TRIO: variants seen among roughly 807,000 people sequenced by gnomAD.
The protein encoded by TRIO is trio Rho guanine nucleotide exchange factor.
A neutral mutation model predicts 351.9 loss-of-function variants in TRIO; 58 were observed. That is an observed-to-expected ratio of 0.16 (90% CI 0.13 to 0.21). The LOEUF (loss-of-function observed/expected upper bound fraction) is 0.21. TRIO is among the 10% of genes least tolerant of loss of function. TRIO has a pLI of 1.00. For synonymous variants in TRIO, 1,758 were observed against 1,595.7 expected (o/e 1.10, Z -2.42); for missense variants, 3,201 against 4,027.8 (o/e 0.79, Z 5.56).
Position 14,245,940 on chromosome 5 carries a change from A to T in TRIO, c.158-24885A>T, listed in dbSNP as rs192155904. Reference sequence around the variant, plus strand: ...GTTGAATATTTTTGATGTCTATTCCATTTAGGACAAGATTGAAGCCTCCTA... The same window carrying T: ...GTTGAATATTTTTGATGTCTATTCCTTTTAGGACAAGATTGAAGCCTCCTA... On this transcript the variant is annotated intron_variant, in intron 1 of 56. Transcript: ENST00000344204. Among the ~76,000 whole-genome samples the T allele has an allele frequency of 5.3e-3, 802 of 152,328 alleles. 10 individuals carry two copies. The highest frequency in any genetic ancestry group is 4.6e-3 in the Non-Finnish European group (310 of 68,018).
At chr5:14,295,752 T>C (rs893586531) in intron 6 of TRIO, among the ~76,000 whole-genome samples, 6 of 152,216 alleles carry the variant, frequency 3.9e-5, no homozygotes, top group African/African-American at 1.4e-4. Context: ...AGATGCCAGT[T>C]AGAGCGTTAA....
Position 14,508,484 on chromosome 5 carries a change from C to T in TRIO, c.*62C>T. On this transcript the variant is annotated 3_prime_UTR_variant, in exon 57 of 57. Transcript: ENST00000344204. ...CCAATCAGCTGTTAATCTGAATTTT[C>T]AAGAGAAAACAAGCAAACATAACTG... 1.3e-6 allele frequency: 2 copies of T among 1,518,074 alleles called. No individual in the cohort carries two copies. Among genetic ancestry groups the T allele is most frequent in the Admixed American group, 4.3e-5 (2 of 46,364 alleles). The allele number at this position is 1,518,074 out of a possible 1,614,324, so 94.0% of individuals were successfully genotyped here.
At chr5:14,505,907 G>A (rs1303857205) in intron 55 of TRIO, among the ~76,000 whole-genome samples, 1 of 152,248 alleles carries the variant, frequency 6.6e-6, no homozygotes, top group Non-Finnish European at 1.5e-5. Context: ...GTATGGAGAG[G>A]AGGTCCACTG....
chr5:14,338,704 C>CG (rs1443986685), intron 11 of TRIO, among the ~76,000 whole-genome samples: 5 of 152,276 alleles, frequency 3.3e-5, no homozygotes, highest in East Asian at 3.9e-4. Flanking sequence ...GTTCCTCATT[C>CG]GGGGCCCAGT....
chr5:14,486,025 T>C (rs1327666284), intron 47 of TRIO, among the ~76,000 whole-genome samples: 1 of 151,834 alleles, frequency 6.6e-6, no homozygotes, highest in Non-Finnish European at 1.5e-5. Context: ...ACTTCCCTGC[T>C]TCCGTGACTT....
intron 34 of TRIO, among the ~76,000 whole-genome samples, chr5:14,460,196 G>A (rs563007271): frequency 2.0e-5 from 3 of 152,314 alleles, no homozygotes; most frequent in East Asian, 1.9e-4. Context: ...GATTACAGGC[G>A]TGAGCCACCG....
chr5:14,161,411 TC>T (rs1386086565), intron 1 of TRIO, among the ~76,000 whole-genome samples: 2 of 152,140 alleles, frequency 1.3e-5, no homozygotes, highest in Non-Finnish European at 2.9e-5. Context: ...CACTTGACCA[TC>T]CTGTCCCAGC....
chr5:14,490,927 C>T (rs759982447), intron 48 of TRIO: 5 of 449,106 alleles, frequency 1.1e-5, no homozygotes, highest in Non-Finnish European at 1.8e-5. Context: ...AAGTATAATG[C>T]ATAAATGAGT....
intron 34 of TRIO, among the ~76,000 whole-genome samples, chr5:14,446,739 A>G (rs1175866926): frequency 1.3e-5 from 2 of 152,162 alleles, no homozygotes; most frequent in African/African-American, 4.8e-5. Context: ...TGTAAAAGGA[A>G]TTCCTAATTG....
chr5:14,439,569 T>C (rs1169037807), intron 34 of TRIO, among the ~76,000 whole-genome samples: 1 of 152,256 alleles, frequency 6.6e-6, no homozygotes, highest in African/African-American at 2.4e-5. Flanking sequence ...AGAATGTCAA[T>C]TAACTTGATT....
chr5:14,302,678 C>T (rs556551815), intron 7 of TRIO, among the ~76,000 whole-genome samples: 4 of 152,160 alleles, frequency 2.6e-5, no homozygotes, highest in Non-Finnish European at 5.9e-5. Context: ...ATTTTAATGT[C>T]CTAAAAATAA....
chr5:14,156,931 G>A (rs250848), intron 1 of TRIO, among the ~76,000 whole-genome samples: 106,732 of 152,120 alleles, frequency 0.7, 38,736 homozygotes, highest in African/African-American at 0.9. Flanking sequence ...AGTCGCCAGA[G>A]AAGAAAGGGA....
intron 8 of TRIO, 101 bp from the exon 9 acceptor site, chr5:14,316,412 G>A: frequency 2.6e-6 from 3 of 1,154,516 alleles, no homozygotes; most frequent in Non-Finnish European, 3.8e-6. Context: ...ATGTACGTGT[G>A]TGCCTGTATG....
intron 1 of TRIO, among the ~76,000 whole-genome samples, chr5:14,151,314 C>T (rs1318855961): frequency 6.6e-6 from 1 of 151,972 alleles, no homozygotes; most frequent in Admixed American, 6.6e-5. Context: ...TTCAAATTTA[C>T]ACGTATAATC....
In TRIO at chr5:14,487,674, C is replaced by A; in HGVS notation, c.7046C>A (p.Pro2349His). 6 of 1,408,792 alleles carry A rather than the reference C, an allele frequency of 4.3e-6. No individual in the cohort carries two copies. The highest frequency in any genetic ancestry group is 1.6e-5 in the South Asian group (1 of 64,108). 87.3% of individuals were successfully genotyped at this position (1,408,792 alleles called of 1,614,324 possible). ...SRIPQPVRHH[P>H]PVLVSSAASS... ...ATCCCCCAGCCTGTCCGACACCACC[C>A]CCCCGTGCTGGTCTCCTCTGCAGCC... Residue 2349 changes from proline to histidine, a missense_variant, in exon 48 of 57, where the codon CCC becomes CAC. Transcript: ENST00000344204.
intron 10 of TRIO, among the ~76,000 whole-genome samples, chr5:14,331,131 G>GAACAGAAAT (rs1740871461): frequency 6.6e-6 from 1 of 152,208 alleles, no homozygotes. Flanking sequence ...ATGTGACTTG[G>GAACAGAAAT]GTGTTTTTGT....
intron 34 of TRIO, among the ~76,000 whole-genome samples, chr5:14,425,813 C>T (rs1182262535): frequency 6.6e-6 from 1 of 152,130 alleles, no homozygotes; most frequent in Non-Finnish European, 1.5e-5. Context: ...GAGGAGCAGG[C>T]CCTCTTTAAA....
At chr5:14,353,846 G>A (rs779084037) in intron 11 of TRIO, among the ~76,000 whole-genome samples, 1 of 152,202 alleles carries the variant, frequency 6.6e-6, no homozygotes, top group African/African-American at 2.4e-5. Context: ...TCGTGCATCC[G>A]GCCAGTTCTG....
chr5:14,192,984 A>C (rs1790547503), intron 1 of TRIO, among the ~76,000 whole-genome samples: 1 of 152,236 alleles, frequency 6.6e-6, no homozygotes, highest in Admixed American at 6.5e-5. Flanking sequence ...TTGGAAAACG[A>C]TATTTTAGAA....
Sources: gnomAD v4.1 joint callset for allele counts (sites outside exome capture counted in the v4.1 genomes callset) on GRCh38, gnomAD v4.1.1 for gene constraint, MANE v1.5 for transcripts, NCBI Gene and HGNC (gene_info 2026-07-23, HGNC 2026-07-21) for gene names.